NIPAL3: variants seen among roughly 807,000 people sequenced by gnomAD.
The protein encoded by NIPAL3 is NIPA-like protein 3.
Under a neutral mutation model 47.2 loss-of-function variants are expected in NIPAL3, and 41 were observed. That is an observed-to-expected ratio of 0.87 (90% CI 0.68 to 1.13). NIPAL3 has a LOEUF of 1.13. Among genes scored for constraint, NIPAL3 ranks in the 50% most tolerant of loss-of-function variants. The pLI is 0.00. For synonymous variants in NIPAL3, 194 were observed against 209.6 expected, an observed-to-expected ratio of 0.93 and a Z score of 0.64; for missense variants, 449 against 530.1, an observed-to-expected ratio of 0.85 and a Z score of 1.50.
intron 2 of NIPAL3, among the ~76,000 whole-genome samples, chr1:24,426,742 T>G (rs1398591517): frequency 6.6e-6 from 1 of 152,182 alleles, no homozygotes; most frequent in African/African-American, 2.4e-5. Flanking sequence ...CTGAGATATT[T>G]GCCTGCCTTC....
In NIPAL3 at chr1:24,440,207, G is replaced by T. The variant is rs527665071; in HGVS notation, c.129G>T (p.Gly43=). The change falls in exon 3 of 12, where the codon GGG becomes GGT. Residue 43 remains glycine (G), a synonymous_variant. Transcript: ENST00000374399. ...NLIGALLAIF[G]HLVVSIALNL... ...TTGGCGCCCTCTTGGCGATCTTCGG[G>T]CACCTCGTGGTCAGCATTGCACTTA... 42 of 1,596,750 alleles carry T rather than the reference G, an allele frequency of 2.6e-5. 1 individual carries two copies. In the South Asian group the frequency reaches 4.7e-4, roughly 18 times the overall value.
Position 24,454,289 on chromosome 1 carries a change from C to T in NIPAL3, c.637+785C>T. 1 of 1,162,718 alleles carries T rather than the reference C, an allele frequency of 8.6e-7. No homozygotes were observed. Among genetic ancestry groups the T allele is most frequent in the South Asian group, 1.7e-5 (1 of 58,564 alleles). 72.0% of individuals were successfully genotyped at this position (1,162,718 alleles called of 1,614,324 possible). On this transcript the variant is annotated intron_variant, in intron 7 of 11. Coordinates refer to ENST00000374399, the MANE Select transcript of NIPAL3 (RefSeq NM_020448.5). This position sits in a 1 kb window ranked among gnomAD's most constrained non-coding sequence, Gnocchi z 4.1. Reference sequence around the variant, plus strand: ...GCGGAGGAGCAGGCTGGTGTCAGGGCTGGTGAAGCCTGCTACCGCGCTGCT... The same window carrying T: ...GCGGAGGAGCAGGCTGGTGTCAGGGTTGGTGAAGCCTGCTACCGCGCTGCT...
Position 24,416,018 on chromosome 1 carries a change from T to A in NIPAL3, c.-258+114T>A. 1.0e-6 allele frequency: 1 copy of A among 985,512 alleles called. No homozygotes were observed. Among genetic ancestry groups the A allele is most frequent in the African/African-American group, 1.7e-5 (1 of 57,358 alleles). The allele number at this position is 985,512 out of a possible 1,614,324, so 61.0% of individuals were successfully genotyped here. On this transcript the variant is annotated intron_variant, in intron 1 of 11. Transcript: ENST00000374399. The surrounding 1 kb of genome is among the most constrained non-coding windows in gnomAD (Gnocchi z 4.8). ...GTGTACATACCCTTCCTTCTTACTGTCACCAGCCTCGCCAACCTGGGTCCC... is the reference window on the plus strand; with the variant it reads ...GTGTACATACCCTTCCTTCTTACTGACACCAGCCTCGCCAACCTGGGTCCC...
At position 24,462,778 on chromosome 1, in the gene NIPAL3, A is replaced by G. The variant is rs569884061; in HGVS notation, c.927-1248A>G. On this transcript the variant is annotated intron_variant, in intron 10 of 11. Transcript: ENST00000374399. ...CAAGACTCAGTCTCGAAAAAAAATA[A>G]TGAACTACTAATACATACAATAAAG... is the stretch of plus-strand genomic sequence containing the variant. Among the ~76,000 whole-genome samples the G allele has an allele frequency of 6.6e-5, 10 of 151,784 alleles. No homozygotes were observed. The East Asian group carries it at 1.8e-3, about 27-fold the overall frequency.
At chr1:24,466,544 C>G in intron 11 of NIPAL3, among the ~76,000 whole-genome samples, 1 of 152,136 alleles carries the variant, frequency 6.6e-6, no homozygotes, top group Non-Finnish European at 1.5e-5. Context: ...TGACAGCATC[C>G]AACCCAAAGC....
Position 24,416,465 on chromosome 1 carries a change from T to C in NIPAL3, c.-258+561T>C. On this transcript the variant is annotated intron_variant, in intron 1 of 11. Transcript: ENST00000374399. This position sits in a 1 kb window ranked among gnomAD's most constrained non-coding sequence, Gnocchi z 4.8. ...TTGATTTGTTCAGAAAGAGGCAAATTCGAATACAGACGCTATGAGCCACGG... is the reference window on the plus strand; with the variant it reads ...TTGATTTGTTCAGAAAGAGGCAAATCCGAATACAGACGCTATGAGCCACGG... 2.6e-6 allele frequency: 1 copy of C among 388,344 alleles called. No individual in the cohort carries two copies. Among genetic ancestry groups the C allele is most frequent in the Non-Finnish European group, 3.5e-6 (1 of 284,474 alleles). 24.1% of individuals were successfully genotyped at this position (388,344 alleles called of 1,614,324 possible).
At chr1:24,441,898 T>A (rs1645404073) in intron 3 of NIPAL3, among the ~76,000 whole-genome samples, 157 bp from the exon 4 acceptor site, 1 of 152,118 alleles carries the variant, frequency 6.6e-6, no homozygotes. Context: ...AGTATTTAGA[T>A]CCCCACTGTC....
At chr1:24,448,701 TAC>T (rs1169151891) in intron 5 of NIPAL3, among the ~76,000 whole-genome samples, 4 of 137,242 alleles carry the variant, frequency 2.9e-5, no homozygotes, top group Non-Finnish European at 6.9e-5. Context: ...TGTCTTACTC[TAC>T]TGGTGGGAGT....
At chr1:24,443,953 T>G (rs1248610532) in intron 4 of NIPAL3, among the ~76,000 whole-genome samples, 5 of 152,168 alleles carry the variant, frequency 3.3e-5, no homozygotes, top group African/African-American at 1.2e-4. Context: ...GAGAAATAAG[T>G]GTCTAAGTGA....
intron 2 of NIPAL3, among the ~76,000 whole-genome samples, chr1:24,439,161 C>T (rs1201569061): frequency 1.3e-5 from 2 of 152,112 alleles, no homozygotes; most frequent in African/African-American, 4.8e-5. Context: ...CCATGTAACA[C>T]ACCTGCCCAT....
chr1:24,416,332 G>A lies in NIPAL3; in HGVS notation c.-258+428G>A. 2.0e-6 allele frequency: 2 copies of A among 985,416 alleles called. No individual in the cohort carries two copies. Among genetic ancestry groups the A allele is most frequent in the Non-Finnish European group, 2.4e-6 (2 of 829,924 alleles). The allele number at this position is 985,416 out of a possible 1,614,324, so 61.0% of individuals were successfully genotyped here. On this transcript the variant is annotated intron_variant, in intron 1 of 11. Coordinates refer to ENST00000374399, the MANE Select transcript of NIPAL3 (RefSeq NM_020448.5). The surrounding 1 kb of genome is among the most constrained non-coding windows in gnomAD (Gnocchi z 4.8). ...TCCAGCTCAGTGGGACGGGACGGAAGAATGTAACCTTCTCGTGAGCCAAAG... is the reference window on the plus strand; with the variant it reads ...TCCAGCTCAGTGGGACGGGACGGAAAAATGTAACCTTCTCGTGAGCCAAAG...
intron 2 of NIPAL3, among the ~76,000 whole-genome samples, chr1:24,430,733 A>G (rs887315115): frequency 1.3e-5 from 2 of 152,266 alleles, no homozygotes; most frequent in Admixed American, 6.5e-5. Context: ...TGTGACGTTT[A>G]CCAAAAGGGC....
intron 10 of NIPAL3, among the ~76,000 whole-genome samples, chr1:24,463,137 G>A (rs1646551088): frequency 6.6e-6 from 1 of 150,936 alleles, no homozygotes; most frequent in Non-Finnish European, 1.5e-5. Flanking sequence ...GCAGTGAGCC[G>A]AGATCCTGCC....
At chr1:24,425,978 A>C (rs1054698782) in intron 2 of NIPAL3, among the ~76,000 whole-genome samples, 15 of 152,226 alleles carry the variant, frequency 9.9e-5, no homozygotes, top group African/African-American at 3.6e-4. Flanking sequence ...TGTAATCATC[A>C]TCATAAAAGC....
chr1:24,424,899 G>A (rs765660824), intron 2 of NIPAL3, among the ~76,000 whole-genome samples: 1 of 152,170 alleles, frequency 6.6e-6, no homozygotes, highest in Non-Finnish European at 1.5e-5. Flanking sequence ...CTTACCTTTG[G>A]GAGGAGGAAA....
At chr1:24,468,246 T>C (rs1360003630) in intron 11 of NIPAL3, among the ~76,000 whole-genome samples, 1 of 152,014 alleles carries the variant, frequency 6.6e-6, no homozygotes, top group Non-Finnish European at 1.5e-5. Flanking sequence ...GCCCCAGAGG[T>C]TGAGGCTGCA....
intron 9 of NIPAL3, among the ~76,000 whole-genome samples, chr1:24,459,607 G>A (rs2148850130): frequency 1.3e-5 from 2 of 152,342 alleles, no homozygotes; most frequent in Middle Eastern, 3.4e-3. Context: ...GTGAAAGCCT[G>A]GCTGTAAAGC....
At chr1:24,417,090 C>T (rs143628121) in intron 1 of NIPAL3, among the ~76,000 whole-genome samples, 75 of 152,208 alleles carry the variant, frequency 4.9e-4, no homozygotes, top group East Asian at 4.4e-3. Context: ...GTTGATTAGG[C>T]CTTAGAAAGG....
chr1:24,445,870 G>C (rs963670019), intron 5 of NIPAL3, among the ~76,000 whole-genome samples: 2 of 152,148 alleles, frequency 1.3e-5, no homozygotes, highest in Non-Finnish European at 2.9e-5. Context: ...AAGAAGATTA[G>C]CTCCACCTAA....
Sources: allele counts gnomAD v4.1 joint callset (sites outside exome capture counted in the v4.1 genomes callset), GRCh38; gene constraint gnomAD v4.1.1; non-coding constraint Gnocchi (gnomAD v3.1); transcripts MANE v1.5; gene names NCBI Gene and HGNC (gene_info 2026-07-23, HGNC 2026-07-21).